The following MYO5B variants were observed in gnomAD, a reference collection of about 807,000 sequenced individuals.
MYO5B encodes myosin VB.
In MYO5B, 143 loss-of-function variants were observed where a neutral mutation model predicts 229.3. The observed-to-expected ratio is 0.62, with a 90% confidence interval of 0.54 to 0.72. The LOEUF (loss-of-function observed/expected upper bound fraction) is 0.72. Ranked by LOEUF, MYO5B falls within the 30% of genes least tolerant of loss-of-function variation. The pLI, the probability that MYO5B is intolerant of heterozygous loss-of-function variation, is 0.00. For missense variants in MYO5B, 2,321 were observed against 2,331.0 expected, an observed-to-expected ratio of 1.00 and a Z score of 0.09; for synonymous variants, 918 against 885.2, an observed-to-expected ratio of 1.04 and a Z score of -0.66.
chr18:50,149,751 T>G (rs1051948932), intron 1 of MYO5B, among the ~76,000 whole-genome samples: 1 of 152,110 alleles, frequency 6.6e-6, no homozygotes, highest in Non-Finnish European at 1.5e-5. Flanking sequence ...AACCTAGGCA[T>G]TACCATTCAG....
At chr18:50,069,886 C>T (rs2030911766) in intron 1 of MYO5B, among the ~76,000 whole-genome samples, 1 of 152,096 alleles carries the variant, frequency 6.6e-6, no homozygotes, top group African/African-American at 2.4e-5. Flanking sequence ...TTTGTTCATC[C>T]CTATTTATTC....
rs902414917 is a variant in MYO5B, at chr18:49,949,587, A to T, written c.1752+3673T>A. Among the ~76,000 whole-genome samples, 5 of 152,172 alleles carry T rather than the reference A, an allele frequency of 3.3e-5. No individual in the cohort carries two copies. The East Asian group carries it at 9.6e-4, about 29-fold the overall frequency. On this transcript the variant is annotated intron_variant, in intron 14 of 39. Coordinates refer to ENST00000285039, the MANE Select transcript of MYO5B (RefSeq NM_001080467.3). ...CGAACATCCCTTTGGTTGGTAGAGT[A>T]TATGGGTGTCTTCTATCCCCTACTG... is the stretch of plus-strand genomic sequence containing the variant.
At chr18:50,055,127 C>A in intron 2 of MYO5B, 141 bp downstream of exon 2, 1 of 666,312 alleles carries the variant, frequency 1.5e-6, no homozygotes, top group Non-Finnish European at 2.6e-6. Context: ...TCAATAGCAA[C>A]AAGAAAGAAT....
At chr18:50,010,285 G>A (rs1220598631) in intron 4 of MYO5B, among the ~76,000 whole-genome samples, 4 of 152,304 alleles carry the variant, frequency 2.6e-5, no homozygotes, top group South Asian at 4.1e-4. Flanking sequence ...AGGCAGCAGC[G>A]AAATGAATCT....
At chr18:50,034,814 G>C (rs1414647523) in intron 4 of MYO5B, among the ~76,000 whole-genome samples, 1 of 152,140 alleles carries the variant, frequency 6.6e-6, no homozygotes, top group African/African-American at 2.4e-5. Flanking sequence ...ACATGTGCTG[G>C]TCTTCCTACT....
intron 15 of MYO5B, 73 bp downstream of exon 15, chr18:49,937,172 C>T (rs779341418): frequency 7.3e-5 from 114 of 1,564,170 alleles, no homozygotes; most frequent in Admixed American, 1.0e-4. Context: ...CTCACCCTGC[C>T]GCCATCCTTC....
At chr18:50,173,521 G>A (rs917802791) in intron 1 of MYO5B, among the ~76,000 whole-genome samples, 1 of 152,316 alleles carries the variant, frequency 6.6e-6, no homozygotes, top group Middle Eastern at 3.4e-3. Context: ...AGGAGACAAG[G>A]GAAGATGAAG....
At position 49,826,496 on chromosome 18, in the gene MYO5B, T is replaced by TTGAGAC; in HGVS notation, c.5516_5521dup (p.Leu1840_Asn1841insSerLeu). 1 of 1,614,012 alleles carries TTGAGAC rather than the reference T, an allele frequency of 6.2e-7. No individual in the cohort carries two copies. Among genetic ancestry groups the TTGAGAC allele is most frequent in the Non-Finnish European group, 8.5e-7 (1 of 1,179,916 alleles). ...TCAGACTTCATTGAGGAATTCCAGA[T>TTGAGAC]TGAGACACGCTGGGATGTGGATTGA... is the stretch of plus-strand genomic sequence containing the variant. On this transcript the variant is annotated inframe_insertion, in exon 40 of 40. Coordinates refer to ENST00000285039, the MANE Select transcript of MYO5B (RefSeq NM_001080467.3).
intron 1 of MYO5B, among the ~76,000 whole-genome samples, chr18:50,180,373 C>G (rs1269500384): frequency 3.9e-5 from 6 of 152,186 alleles, no homozygotes; most frequent in Admixed American, 2.6e-4. Flanking sequence ...TAGACTCTTG[C>G]TCCTGGTTTA....
At chr18:49,932,517 T>C (rs1411757757) in intron 16 of MYO5B, among the ~76,000 whole-genome samples, 1 of 152,180 alleles carries the variant, frequency 6.6e-6, no homozygotes, top group Admixed American at 6.5e-5. Context: ...GGCAAAGAAC[T>C]CAGTGTGGCC....
chr18:49,882,353 CCGTG>C (rs34359239), intron 22 of MYO5B, among the ~76,000 whole-genome samples: 93,917 of 151,450 alleles, frequency 0.62, 29,190 homozygotes, highest in Middle Eastern at 0.68. Context: ...CGGCCAGGTA[CCGTG>C]CGTGGCTCAC....
At chr18:49,841,479 A>G in intron 34 of MYO5B, 25 bp from the exon 35 acceptor site, 1 of 1,598,136 alleles carries the variant, frequency 6.3e-7, no homozygotes, top group Non-Finnish European at 8.6e-7. Flanking sequence ...GGACATCCTC[A>G]GCTCTAAGTG....
At position 50,020,309 on chromosome 18, in the gene MYO5B, C is replaced by T. The variant is rs576708449; in HGVS notation, c.455+16541G>A. Among the ~76,000 whole-genome samples, 5 of 152,338 alleles carry T rather than the reference C, an allele frequency of 3.3e-5. No homozygotes were observed. The East Asian group carries it at 9.6e-4, about 29-fold the overall frequency. On this transcript the variant is annotated intron_variant, in intron 4 of 39. Transcript: ENST00000285039. Reference sequence around the variant, plus strand: ...ATCCAACATTTCAGTATCTACTATGCATTAAGATGACAAGAAAAGGCCTGG... The same window carrying T: ...ATCCAACATTTCAGTATCTACTATGTATTAAGATGACAAGAAAAGGCCTGG...
At chr18:50,142,535 G>A (rs2032433782) in intron 1 of MYO5B, among the ~76,000 whole-genome samples, 1 of 152,164 alleles carries the variant, frequency 6.6e-6, no homozygotes, top group Non-Finnish European at 1.5e-5. Context: ...GGAATATGGG[G>A]GGTTTGTGTT....
At chr18:49,837,839 C>A (rs200090894) in intron 36 of MYO5B, 37 bp from the exon 37 acceptor site, 32 of 1,609,832 alleles carry the variant, frequency 2.0e-5, no homozygotes, top group Middle Eastern at 1.7e-4. Context: ...CTTGCATTCC[C>A]CACTAACAAT....
chr18:49,845,348 A>G (rs2024111683), intron 33 of MYO5B, among the ~76,000 whole-genome samples: 1 of 152,244 alleles, frequency 6.6e-6, no homozygotes, highest in Non-Finnish European at 1.5e-5. Context: ...CAAACCAAAC[A>G]GCTGGAGCAA....
In MYO5B at chr18:50,033,270, T is replaced by C. The variant is rs543295341; in HGVS notation, c.455+3580A>G. Among the ~76,000 whole-genome samples, 8 of 152,262 alleles carry C rather than the reference T, an allele frequency of 5.3e-5. No homozygotes were observed. The South Asian group carries it at 1.7e-3, about 32-fold the overall frequency. On this transcript the variant is annotated intron_variant, in intron 4 of 39. Coordinates refer to ENST00000285039, the MANE Select transcript of MYO5B (RefSeq NM_001080467.3). ...TGACGCCCCACTTCTGAGGTCATGG[T>C]CCACTACTCCACCCACCTAGAGGCC...
At chr18:49,850,002 A>G in intron 31 of MYO5B, 1 of 378,478 alleles carries the variant, frequency 2.6e-6, no homozygotes, top group Non-Finnish European at 5.1e-6. Flanking sequence ...TAGGAGTCCC[A>G]GGGTGGGGCG....
At chr18:50,016,536 G>A (rs1469442237) in intron 4 of MYO5B, among the ~76,000 whole-genome samples, 2 of 152,088 alleles carry the variant, frequency 1.3e-5, no homozygotes, top group African/African-American at 4.8e-5. Flanking sequence ...TGTCCCAACT[G>A]TCACAATCTC....
Sources: allele counts gnomAD v4.1 joint callset (sites outside exome capture counted in the v4.1 genomes callset), GRCh38; gene constraint gnomAD v4.1.1; transcripts MANE v1.5; gene names NCBI Gene and HGNC (gene_info 2026-07-23, HGNC 2026-07-21).